The following RYR2 variants were observed in gnomAD, a reference collection of about 807,000 sequenced individuals.
RYR2 encodes ryanodine receptor 2.
A neutral mutation model predicts 601.1 loss-of-function variants in RYR2; 227 were observed. The observed-to-expected ratio is 0.38, with a 90% confidence interval of 0.34 to 0.42. The LOEUF (loss-of-function observed/expected upper bound fraction) is 0.42. Among genes scored for constraint, RYR2 ranks in the 10% least tolerant of loss-of-function variants. RYR2 has a pLI of 1.00. For missense variants in RYR2, 4,646 were observed against 6,156.5 expected (o/e 0.75, Z 8.21); for synonymous variants, 2,223 against 2,175.1 (o/e 1.02, Z -0.61).
chr1:237,704,679 T>A (rs1452526997), intron 66 of RYR2, among the ~76,000 whole-genome samples: 2 of 152,126 alleles, frequency 1.3e-5, no homozygotes, highest in African/African-American at 2.4e-5. Flanking sequence ...TTTGGTGGCT[T>A]GTTTTTTAAG....
intron 100 of RYR2, among the ~76,000 whole-genome samples, chr1:237,815,090 C>T (rs750501684): frequency 1.3e-5 from 2 of 148,896 alleles, no homozygotes; most frequent in Non-Finnish European, 3.0e-5. Flanking sequence ...GTTTAGGAGA[C>T]GGATGAGGGA....
chr1:237,216,554 A>G (rs1293520717), intron 1 of RYR2, among the ~76,000 whole-genome samples: 2 of 152,066 alleles, frequency 1.3e-5, no homozygotes, highest in African/African-American at 4.8e-5. Context: ...CCTGGCCAAC[A>G]TGGTGAAACC....
intron 56 of RYR2, among the ~76,000 whole-genome samples, chr1:237,662,706 C>A (rs75863503): frequency 6.6e-6 from 1 of 152,134 alleles, no homozygotes; most frequent in Non-Finnish European, 1.5e-5. Flanking sequence ...CCTATTAACC[C>A]GTGAAACCAT....
At chr1:237,385,803 C>G (rs1436087239) in intron 8 of RYR2, among the ~76,000 whole-genome samples, 1 of 152,106 alleles carries the variant, frequency 6.6e-6, no homozygotes, top group Non-Finnish European at 1.5e-5. Flanking sequence ...TTAGCTTCTC[C>G]ACATACGTGT....
chr1:237,650,567 C>G (rs550355037), intron 50 of RYR2, among the ~76,000 whole-genome samples: 44 of 152,316 alleles, frequency 2.9e-4, no homozygotes, highest in African/African-American at 9.6e-4. Context: ...TTCCTCCAAC[C>G]TGGAAAACCA....
At chr1:237,572,297 C>A (rs550319994) in intron 29 of RYR2, among the ~76,000 whole-genome samples, 1 of 152,250 alleles carries the variant, frequency 6.6e-6, no homozygotes, top group African/African-American at 2.4e-5. Context: ...TACTTGACTG[C>A]TGTGCTTCCT....
chr1:237,216,499 A>G (rs1683166471), intron 1 of RYR2, among the ~76,000 whole-genome samples: 1 of 152,096 alleles, frequency 6.6e-6, no homozygotes. Context: ...GCACTTTGAG[A>G]GGCTGAGGCA....
chr1:237,388,074 T>G lies in RYR2; in HGVS notation c.677-13T>G, dbSNP rs571476497. 6.2e-6 allele frequency: 10 copies of G among 1,611,132 alleles called. No individual in the cohort carries two copies. The African/African-American group carries it at 1.3e-4, about 21-fold the overall frequency. ...CTGACAGTCCAGACCTGAATGATTT[T>G]TTATCCTTACAGGGTATCTCATTGG... On this transcript the variant is annotated splice_polypyrimidine_tract_variant and intron_variant, in intron 9 of 104. Transcript: ENST00000366574.
chr1:237,766,746 G>A (rs946401656), intron 84 of RYR2, among the ~76,000 whole-genome samples: 2 of 152,076 alleles, frequency 1.3e-5, no homozygotes, highest in African/African-American at 2.4e-5. Context: ...TTTTTTTTCC[G>A]CTCCAGCTAG....
chr1:237,368,118 A>G (rs1242608636), intron 5 of RYR2, among the ~76,000 whole-genome samples: 4 of 152,194 alleles, frequency 2.6e-5, no homozygotes, highest in South Asian at 2.1e-4. Flanking sequence ...CAGAGTTTTA[A>G]AAAGTAGAGG....
intron 27 of RYR2, among the ~76,000 whole-genome samples, chr1:237,551,329 A>C (rs1326393808): frequency 6.6e-6 from 1 of 152,076 alleles, no homozygotes; most frequent in Non-Finnish European, 1.5e-5. Flanking sequence ...GGAGATTGAG[A>C]CCATCCTGGC....
At position 237,106,218 on chromosome 1, in the gene RYR2, C is replaced by G. The variant is rs1668665625; in HGVS notation, c.48+63649C>G. 1.3e-5 allele frequency among the ~76,000 whole-genome samples: 2 copies of G among 152,152 alleles called. No individual in the cohort carries two copies. Among genetic ancestry groups the G allele is most frequent in the African/African-American group, 4.8e-5 (2 of 41,438 alleles). ...CATTCTGAAAAGACCCGTCTGGCCACTGTGTTGAGAATAGATGTTCCTGGT... is the reference window on the plus strand; with the variant it reads ...CATTCTGAAAAGACCCGTCTGGCCAGTGTGTTGAGAATAGATGTTCCTGGT... On this transcript the variant is annotated intron_variant, in intron 1 of 104. Transcript: ENST00000366574. The surrounding 1 kb of genome is among the most constrained non-coding windows in gnomAD (Gnocchi z 4.4).
In RYR2 at chr1:237,590,846, T is replaced by G; in HGVS notation, c.4014T>G (p.Asp1338Glu). ...CCAAGAATGACTTGGAAGATTATGA[T>G]GCTGATTCTGACTTTGAGGTTCTGA... ...FGPKNDLEDY[D>E]ADSDFEVLMK... Residue 1338 changes from aspartate to glutamate, a missense_variant, in exon 31 of 105, where the codon GAT becomes GAG. Around this residue, in one of 17 missense-constraint regions of RYR2, gnomAD observed 1,807 missense variants for 2,088.1 expected, o/e 0.87. Transcript: ENST00000366574. The G allele has an allele frequency of 1.2e-6, 2 of 1,613,832 alleles. No individual in the cohort carries two copies. The highest frequency in any genetic ancestry group is 2.7e-5 in the African/African-American group (2 of 75,008).
chr1:237,594,952 T>C (rs1418876610), intron 33 of RYR2, among the ~76,000 whole-genome samples: 2 of 132,392 alleles, frequency 1.5e-5, no homozygotes, highest in African/African-American at 5.6e-5. Flanking sequence ...GTTAAATCTG[T>C]CTCTCAGATC....
chr1:237,777,148 C>T (rs776534324), intron 87 of RYR2, among the ~76,000 whole-genome samples: 12 of 152,264 alleles, frequency 7.9e-5, no homozygotes, highest in African/African-American at 1.9e-4. Flanking sequence ...GCAGAAGTAA[C>T]GAAATGGAGA....
intron 11 of RYR2, among the ~76,000 whole-genome samples, chr1:237,422,824 C>T (rs1344313681): frequency 1.3e-5 from 2 of 152,140 alleles, no homozygotes; most frequent in African/African-American, 4.8e-5. Context: ...GAATAGGGCG[C>T]TGTGTGGATG....
chr1:237,587,828 A>T (rs750910696), intron 29 of RYR2, among the ~76,000 whole-genome samples: 9 of 152,190 alleles, frequency 5.9e-5, no homozygotes, highest in Non-Finnish European at 1.3e-4. Flanking sequence ...ATTTACAGCT[A>T]TCCAATAACT....
In RYR2 at chr1:237,144,903, A is replaced by G. The variant is rs1673819164; in HGVS notation, c.48+102334A>G. On this transcript the variant is annotated intron_variant, in intron 1 of 104. Coordinates refer to ENST00000366574, the MANE Select transcript of RYR2 (RefSeq NM_001035.3). ...CTTGGGTATCCCCTATTCCACCCTC[A>G]GACGTCCCCTAACCTGAATTTTGTG... 2.6e-5 allele frequency among the ~76,000 whole-genome samples: 4 copies of G among 152,322 alleles called. No individual in the cohort carries two copies. The South Asian group carries it at 8.3e-4, about 32-fold the overall frequency.
chr1:237,175,494 G>T (rs145892869), intron 1 of RYR2, among the ~76,000 whole-genome samples: 1 of 151,830 alleles, frequency 6.6e-6, no homozygotes, highest in African/African-American at 2.4e-5. Context: ...CTGTCTCTAT[G>T]TACCTACCTA....
Sources: allele counts gnomAD v4.1 joint callset (sites outside exome capture counted in the v4.1 genomes callset), GRCh38; gene constraint gnomAD v4.1.1; regional missense constraint gnomAD v4.1.1; non-coding constraint Gnocchi (gnomAD v3.1); transcripts MANE v1.5; gene names NCBI Gene and HGNC (gene_info 2026-07-23, HGNC 2026-07-21).